Variants in GRIK5 observed in about 807,000 individuals in gnomAD.
The protein encoded by GRIK5 is glutamate receptor ionotropic, kainate 5.
Under a neutral mutation model 97.4 loss-of-function variants are expected in GRIK5, and 43 were observed. The ratio of observed to expected loss-of-function variants is 0.44; its 90% confidence interval spans 0.35 to 0.57. The LOEUF (loss-of-function observed/expected upper bound fraction) is 0.57. GRIK5 is among the 20% of genes least tolerant of loss of function. The pLI is 0.01. For missense variants in GRIK5, 1,015 were observed against 1,382.0 expected (o/e 0.73, Z 4.21); for synonymous variants, 580 against 583.5 (o/e 0.99, Z 0.09).
chr19:42,035,496 C>T (rs1440890942), intron 12 of GRIK5, among the ~76,000 whole-genome samples: 1 of 151,900 alleles, frequency 6.6e-6, no homozygotes, highest in Non-Finnish European at 1.5e-5. Context: ...CACCTGAGGT[C>T]AGGAGTCGAG....
chr19:42,060,225 G>A (rs1435435142), intron 5 of GRIK5, among the ~76,000 whole-genome samples: 1 of 151,268 alleles, frequency 6.6e-6, no homozygotes. Flanking sequence ...GGCCAATATA[G>A]TGAGAAGCCA....
At chr19:42,007,792 G>A (rs1302042439) in intron 15 of GRIK5, among the ~76,000 whole-genome samples, 1 of 152,144 alleles carries the variant, frequency 6.6e-6, no homozygotes, top group African/African-American at 2.4e-5. Context: ...CCTGCAGCCA[G>A]AGTAGAAAGA....
At chr19:42,063,137 C>T (rs924692231) in intron 3 of GRIK5, among the ~76,000 whole-genome samples, 2 of 152,174 alleles carry the variant, frequency 1.3e-5, no homozygotes, top group African/African-American at 4.8e-5. Context: ...CAGGGGCCTC[C>T]TCTGCCTACA....
intron 15 of GRIK5, among the ~76,000 whole-genome samples, chr19:42,011,479 G>A (rs2146028054): frequency 6.6e-6 from 1 of 151,852 alleles, no homozygotes; most frequent in South Asian, 2.1e-4. Context: ...CATGAACCCG[G>A]GAGGCGGAGC....
rs2146004655 is a variant in GRIK5 at position 41,999,986 on chromosome 19, G to C, written c.2515-687C>G. ...ACCTGGGAAGCCAGCCTGCTGGACAGATAACCGGGCAGGGCCGAAATGCCC... is the reference window on the plus strand; with the variant it reads ...ACCTGGGAAGCCAGCCTGCTGGACACATAACCGGGCAGGGCCGAAATGCCC... On this transcript the variant is annotated intron_variant, in intron 19 of 19. Transcript: ENST00000593562. This position sits in a 1 kb window ranked among gnomAD's most constrained non-coding sequence, Gnocchi z 5.0. 6.6e-6 allele frequency among the ~76,000 whole-genome samples: 1 copy of C among 152,362 alleles called. No individual in the cohort carries two copies. The highest frequency in any genetic ancestry group is 1.9e-4 in the East Asian group (1 of 5,196).
chr19:42,054,031 G>T, intron 9 of GRIK5, 102 bp from the exon 10 acceptor site: 1 of 771,716 alleles, frequency 1.3e-6, no homozygotes, highest in Non-Finnish European at 2.2e-6. Context: ...GGCACAGACA[G>T]ACCGGGGTGG....
intron 12 of GRIK5, among the ~76,000 whole-genome samples, chr19:42,024,337 C>A (rs924865707): frequency 6.6e-6 from 1 of 151,940 alleles, no homozygotes; most frequent in African/African-American, 2.4e-5. Flanking sequence ...CTCAGCCTCC[C>A]GAGTAGCTGG....
intron 11 of GRIK5, among the ~76,000 whole-genome samples, chr19:42,051,226 C>T (rs2076112462): frequency 6.6e-6 from 1 of 152,072 alleles, no homozygotes; most frequent in Admixed American, 6.5e-5. Context: ...CTATGCACAG[C>T]CTCAACTCCG....
chr19:42,042,477 G>A lies in GRIK5; in HGVS notation c.1473+75C>T, dbSNP rs752416679. The A allele has an allele frequency of 9.6e-6, 13 of 1,356,368 alleles. No individual in the cohort carries two copies. The highest frequency in any genetic ancestry group is 4.6e-5 in the East Asian group (2 of 43,366). 84.0% of individuals were successfully genotyped at this position (1,356,368 alleles called of 1,614,324 possible). A position where few individuals can be genotyped will look rare whatever the true frequency, so the allele number is the denominator to read the frequency against. ...ACCAGCCAGGCTGCTTCTGAGGTTCGACTGGCTGCCCAGCTGCCCGCCCTC... is the reference window on the plus strand; with the variant it reads ...ACCAGCCAGGCTGCTTCTGAGGTTCAACTGGCTGCCCAGCTGCCCGCCCTC... On this transcript the variant is annotated intron_variant, in intron 12 of 19. Transcript: ENST00000593562. This position sits in a 1 kb window ranked among gnomAD's most constrained non-coding sequence, Gnocchi z 6.9.
Position 42,021,586 on chromosome 19 carries a change from A to T in GRIK5, c.1698-112T>A. The stretch of plus-strand genomic sequence containing the variant: ...AGAAGAAAGGGGGAGAGATGGAAAA[A>T]GGAGCAAGATGGACAGAAGCACACA... On this transcript the variant is annotated intron_variant, in intron 14 of 19. Transcript: ENST00000593562. The surrounding 1 kb of genome is among the most constrained non-coding windows in gnomAD (Gnocchi z 4.2). The T allele has an allele frequency of 1.2e-6, 1 of 848,586 alleles. No individual in the cohort carries two copies. 52.6% of individuals were successfully genotyped at this position (848,586 alleles called of 1,614,324 possible). A position where few individuals can be genotyped will look rare whatever the true frequency, so the allele number is the denominator to read the frequency against.
rs112088850 is a variant in GRIK5 at position 42,021,966 on chromosome 19, C to A, written c.1678G>T (p.Val560Phe). Residue 560 changes from valine to phenylalanine, a missense_variant, in exon 14 of 20, where the codon GTC (valine) becomes TTC (phenylalanine). Physicochemically the swap from Val to Phe is conservative, Grantham distance 50. Coordinates refer to ENST00000593562, the MANE Select transcript of GRIK5 (RefSeq NM_002088.5). The surrounding 1 kb of genome is among the most constrained non-coding windows in gnomAD (Gnocchi z 4.2). ...ACTCACCTGGCAGCCAGAAACAGGA[C>A]GCAGCTGACAGCCAGGTAGGCAAGA... ...MLLAYLAVSC[V>F]LFLAARLSPY... The A allele has an allele frequency of 1.9e-6, 3 of 1,612,610 alleles. No homozygotes were observed. The highest frequency in any genetic ancestry group is 2.5e-6 in the Non-Finnish European group (3 of 1,178,754).
At chr19:42,052,966 C>T (rs560324745) in intron 11 of GRIK5, among the ~76,000 whole-genome samples, 6 of 152,324 alleles carry the variant, frequency 3.9e-5, no homozygotes, top group African/African-American at 7.2e-5. Context: ...TAAAGAATGA[C>T]GCTTGGAAAG....
intron 15 of GRIK5, among the ~76,000 whole-genome samples, chr19:42,016,539 C>A (rs2075626786): frequency 6.6e-6 from 1 of 152,154 alleles, no homozygotes; most frequent in Admixed American, 6.5e-5. Flanking sequence ...GGTGATGGGG[C>A]CACTCACTAA....
chr19:42,052,894 C>T (rs2076135164), intron 11 of GRIK5, among the ~76,000 whole-genome samples: 1 of 152,246 alleles, frequency 6.6e-6, no homozygotes, highest in Non-Finnish European at 1.5e-5. Context: ...CACTGTGTGA[C>T]CTGCTTCCTT....
intron 3 of GRIK5, among the ~76,000 whole-genome samples, chr19:42,063,957 G>A (rs181265158): frequency 6.6e-6 from 1 of 152,164 alleles, no homozygotes; most frequent in African/African-American, 2.4e-5. Flanking sequence ...GCTCCTTCTG[G>A]ACCTTCCACA....
rs2075410049 is a variant in GRIK5 at position 41,999,799 on chromosome 19, A to G, written c.2515-500T>C. 6.6e-6 allele frequency among the ~76,000 whole-genome samples: 1 copy of G among 152,218 alleles called. No individual in the cohort carries two copies. The highest frequency in any genetic ancestry group is 2.1e-4 in the South Asian group (1 of 4,834). The stretch of plus-strand genomic sequence containing the variant: ...CAGAGACAGAAGATAACAGACATGT[A>G]TGTAGTGTGTTAGGCGTGGTGAGTG... On this transcript the variant is annotated intron_variant, in intron 19 of 19. Coordinates refer to ENST00000593562, the MANE Select transcript of GRIK5 (RefSeq NM_002088.5). This position sits in a 1 kb window ranked among gnomAD's most constrained non-coding sequence, Gnocchi z 5.0.
rs889015250 is a variant in GRIK5, at chr19:41,999,456, C to T, written c.2515-157G>A. ...CCACTTCTCTTCCCTTTATCTCCCC[C>T]GTGTTTTCTGCCTCCCCTCTCCACC... On this transcript the variant is annotated intron_variant, in intron 19 of 19. Coordinates refer to ENST00000593562, the MANE Select transcript of GRIK5 (RefSeq NM_002088.5). This position sits in a 1 kb window ranked among gnomAD's most constrained non-coding sequence, Gnocchi z 5.0. Among the ~76,000 whole-genome samples, 3 of 152,062 alleles carry T rather than the reference C, an allele frequency of 2.0e-5. No individual in the cohort carries two copies. Among genetic ancestry groups the T allele is most frequent in the Non-Finnish European group, 4.4e-5 (3 of 68,000 alleles).
chr19:42,062,799 C>G lies in GRIK5; in HGVS notation c.301G>C (p.Ala101Pro). The G allele has an allele frequency of 6.2e-7, 1 of 1,614,104 alleles. No homozygotes were observed. The highest frequency in any genetic ancestry group is 8.5e-7 in the Non-Finnish European group (1 of 1,179,942). Residue 101 changes from alanine to proline, a missense_variant, in exon 4 of 20, where the codon GCA becomes CCA. Coordinates refer to ENST00000593562, the MANE Select transcript of GRIK5 (RefSeq NM_002088.5). This position sits in a 1 kb window ranked among gnomAD's most constrained non-coding sequence, Gnocchi z 5.3. ...ATATGGCTCACGGTGGAGGCAGATG[C>G]TGGGCTAGAGGAGGGCCCAAGGACA... Reference protein sequence around the residue: ...VSVLGPSSSPASASTVSHICG... With the variant: ...VSVLGPSSSPPSASTVSHICG...
chr19:42,051,758 C>T (rs1274994786), intron 11 of GRIK5, among the ~76,000 whole-genome samples: 1 of 152,226 alleles, frequency 6.6e-6, no homozygotes, highest in African/African-American at 2.4e-5. Context: ...ATGAACAGGG[C>T]TTGTCTGGCT....
Sources: gnomAD v4.1 joint callset for allele counts (sites outside exome capture counted in the v4.1 genomes callset) on GRCh38, gnomAD v4.1.1 for gene constraint, Gnocchi (gnomAD v3.1) non-coding constraint, MANE v1.5 for transcripts, NCBI Gene and HGNC (gene_info 2026-07-23, HGNC 2026-07-21) for gene names.